Variants in KLF12 observed in about 807,000 individuals in gnomAD.
KLF12 encodes KLF transcription factor 12.
KLF12 carries 9 observed loss-of-function variants against 37.8 expected under a neutral mutation model. The observed-to-expected ratio is 0.24, with a 90% confidence interval of 0.14 to 0.42. The LOEUF (loss-of-function observed/expected upper bound fraction) is 0.42. KLF12 is among the 10% of genes least tolerant of loss of function. KLF12 has a pLI of 1.00. For missense variants in KLF12, 411 were observed against 516.0 expected (o/e 0.80, Z 1.97); for synonymous variants, 208 against 202.1 (o/e 1.03, Z -0.25).
chr13:73,716,080 G>C (rs996029198), intron 6 of KLF12, among the ~76,000 whole-genome samples: 1 of 152,154 alleles, frequency 6.6e-6, no homozygotes, highest in South Asian at 2.1e-4. Context: ...TTGGTGAAAC[G>C]CACCTGACAT....
At chr13:73,698,816 T>A (rs1369282156) in intron 7 of KLF12, among the ~76,000 whole-genome samples, 2 of 152,148 alleles carry the variant, frequency 1.3e-5, no homozygotes, top group Non-Finnish European at 2.9e-5. Context: ...CCCTGATTTT[T>A]ATAAGAGATG....
At chr13:73,975,258 A>G (rs1891478774) in intron 2 of KLF12, among the ~76,000 whole-genome samples, 1 of 152,236 alleles carries the variant, frequency 6.6e-6, no homozygotes, top group African/African-American at 2.4e-5. Flanking sequence ...GTCCAATTCT[A>G]TAATTACAAA....
chr13:74,258,543 A>G, the KLF12 span: 1 of 152,178 alleles, frequency 6.6e-6, no homozygotes, highest in African/African-American at 2.4e-5. Flanking sequence ...TATTTTTGCA[A>G]ATTTTTGTAA....
At chr13:74,228,677 T>C in the KLF12 span, among the ~76,000 whole-genome samples, 118 of 152,246 alleles carry the variant, frequency 7.8e-4, no homozygotes, top group African/African-American at 2.6e-3. Flanking sequence ...ATGTATATTA[T>C]GACAATCTGA....
chr13:74,242,941 C>T, the KLF12 span, among the ~76,000 whole-genome samples: 1 of 152,138 alleles, frequency 6.6e-6, no homozygotes, highest in African/African-American at 2.4e-5. Flanking sequence ...GCAGTGAGAG[C>T]ACTTTTCTTT....
chr13:73,691,803 GA>G lies in KLF12; in HGVS notation c.*3686del, dbSNP rs1873838360. On this transcript the variant is annotated 3_prime_UTR_variant, in exon 8 of 8. Transcript: ENST00000377669. ...TCTAATGAACTGATTCCAAAGTGCA[GA>G]ATTATGTTTAAAACACAGATGGCAA... 6.6e-6 allele frequency: 1 copy of G among 152,504 alleles called. No individual in the cohort carries two copies. Among genetic ancestry groups the G allele is most frequent in the Non-Finnish European group, 1.5e-5 (1 of 67,990 alleles). 9.4% of individuals were successfully genotyped at this position (152,504 alleles called of 1,614,324 possible). A position where few individuals can be genotyped will look rare whatever the true frequency, so the allele number is the denominator to read the frequency against.
the KLF12 span, among the ~76,000 whole-genome samples, chr13:74,268,242 A>G: frequency 0.43 from 65,597 of 152,056 alleles, 17,028 homozygotes; most frequent in East Asian, 0.75. Context: ...ATTTTTAGCT[A>G]AGGAGCTAGA....
At chr13:73,966,059 T>A (rs1487594682) in intron 2 of KLF12, among the ~76,000 whole-genome samples, 2 of 152,208 alleles carry the variant, frequency 1.3e-5, no homozygotes, top group African/African-American at 4.8e-5. Context: ...TGCAAAAGAG[T>A]ATTAATTTCC....
intron 5 of KLF12, among the ~76,000 whole-genome samples, chr13:73,785,960 G>A (rs1224965290): frequency 6.6e-6 from 1 of 152,272 alleles, no homozygotes; most frequent in Non-Finnish European, 1.5e-5. Flanking sequence ...AGCCTAGGAA[G>A]CTAAAACCTA....
intron 1 of KLF12, among the ~76,000 whole-genome samples, chr13:74,001,297 T>G (rs1466024340): frequency 1.3e-5 from 2 of 152,224 alleles, no homozygotes; most frequent in Non-Finnish European, 2.9e-5. Flanking sequence ...CCAGCACTAC[T>G]TGTAAAATGT....
At chr13:73,761,929 T>C (rs1879585955) in intron 6 of KLF12, among the ~76,000 whole-genome samples, 1 of 152,180 alleles carries the variant, frequency 6.6e-6, no homozygotes, top group Admixed American at 6.5e-5. Flanking sequence ...AAAGGCTTCA[T>C]CAATCTTCAA....
At chr13:74,227,496 A>G in the KLF12 span, among the ~76,000 whole-genome samples, 1 of 152,174 alleles carries the variant, frequency 6.6e-6, no homozygotes, top group African/African-American at 2.4e-5. Context: ...TTAATATTGT[A>G]AAGTCACATA....
intron 5 of KLF12, among the ~76,000 whole-genome samples, chr13:73,783,004 T>C (rs532023733): frequency 5.9e-5 from 9 of 152,278 alleles, no homozygotes; most frequent in African/African-American, 1.9e-4. Context: ...CTCTTACATA[T>C]GTATCATCCG....
At chr13:74,275,320 T>C in the KLF12 span, among the ~76,000 whole-genome samples, 3 of 152,206 alleles carry the variant, frequency 2.0e-5, no homozygotes, top group Non-Finnish European at 2.9e-5. Flanking sequence ...CTCTGAGAGA[T>C]ACGGGGAACC....
intron 6 of KLF12, among the ~76,000 whole-genome samples, chr13:73,736,827 T>C (rs1173418467): frequency 6.6e-6 from 1 of 152,120 alleles, no homozygotes; most frequent in Non-Finnish European, 1.5e-5. Flanking sequence ...GTATTGATGC[T>C]CACTCTGAAA....
chr13:73,814,615 A>G (rs1883119306), intron 4 of KLF12, among the ~76,000 whole-genome samples: 1 of 152,248 alleles, frequency 6.6e-6, no homozygotes, highest in Non-Finnish European at 1.5e-5. Context: ...CGTGCTTTGC[A>G]CAATGGAAGT....
intron 4 of KLF12, among the ~76,000 whole-genome samples, chr13:73,819,363 C>T (rs1250137962): frequency 6.6e-6 from 1 of 152,174 alleles, no homozygotes; most frequent in Non-Finnish European, 1.5e-5. Context: ...TCACTCATTC[C>T]CTTCTATAAC....
intron 5 of KLF12, among the ~76,000 whole-genome samples, chr13:73,774,285 CA>C (rs1566358735): frequency 1.1e-3 from 69 of 62,532 alleles, no homozygotes; most frequent in African/African-American, 6.8e-3. Flanking sequence ...TATATATATA[CA>C]CACACACACA....
At chr13:74,289,180 C>G in the KLF12 span, 8 of 152,068 alleles carry the variant, frequency 5.3e-5, no homozygotes, top group Non-Finnish European at 1.2e-4. Flanking sequence ...TGCGAACAAT[C>G]AATTTTGAGA....
Sources: allele counts gnomAD v4.1 joint callset (sites outside exome capture counted in the v4.1 genomes callset), GRCh38; gene constraint gnomAD v4.1.1; transcripts MANE v1.5; gene names NCBI Gene and HGNC (gene_info 2026-07-23, HGNC 2026-07-21).